The following CABLES1 variants were observed in gnomAD, a reference collection of about 807,000 sequenced individuals.
CABLES1 encodes the protein CDK5 and ABL1 enzyme substrate 1.
In CABLES1, 36 loss-of-function variants were observed where a neutral mutation model predicts 57.8. The observed-to-expected ratio is 0.62, with a 90% CI of 0.48 to 0.82. The LOEUF (loss-of-function observed/expected upper bound fraction) is 0.82. CABLES1 is among the 40% of genes least tolerant of loss of function. The pLI is 0.00. For synonymous variants in CABLES1, 374 were observed against 363.0 expected (o/e 1.03, Z -0.35); for missense variants, 767 against 836.6 (o/e 0.92, Z 1.03).
intron 3 of CABLES1, among the ~76,000 whole-genome samples, chr18:23,213,656 G>C (rs1290658176): frequency 6.6e-6 from 1 of 152,202 alleles, no homozygotes; most frequent in Admixed American, 6.5e-5. Flanking sequence ...TGGCCACCCT[G>C]GACTCAGATC....
At chr18:23,256,814 A>C (rs935630147) in intron 9 of CABLES1, among the ~76,000 whole-genome samples, 14 of 152,186 alleles carry the variant, frequency 9.2e-5, no homozygotes, top group African/African-American at 3.4e-4. Context: ...TTAAACCTGA[A>C]TCACTTAGTT....
chr18:23,230,860 C>A (rs2047562501), intron 4 of CABLES1, among the ~76,000 whole-genome samples: 1 of 152,178 alleles, frequency 6.6e-6, no homozygotes, highest in Non-Finnish European at 1.5e-5. Context: ...CCTTTGGTTG[C>A]CCTAGCACTG....
intron 1 of CABLES1, among the ~76,000 whole-genome samples, chr18:23,182,049 G>A (rs2047171035): frequency 6.6e-6 from 1 of 152,170 alleles, no homozygotes; most frequent in African/African-American, 2.4e-5. Flanking sequence ...ACACCCATGG[G>A]GAACACTAGA....
rs111360159 is a variant in CABLES1 at position 23,154,727 on chromosome 18, A to G, written c.845+18120A>G. 2.0e-3 allele frequency among the ~76,000 whole-genome samples: 312 copies of G among 152,310 alleles called. 4 individuals carry two copies. The highest frequency in any genetic ancestry group is 7.2e-3 in the African/African-American group (299 of 41,566). ...GTTTTCTCACCAAGTCATGTAGAGC[A>G]GGGATCCCTTCTAACGGAAGCCCAT... On this transcript the variant is annotated intron_variant, in intron 1 of 9. Coordinates refer to ENST00000256925, the MANE Select transcript of CABLES1 (RefSeq NM_001100619.3).
chr18:23,173,473 T>A (rs1804330660), intron 1 of CABLES1, among the ~76,000 whole-genome samples: 1 of 152,242 alleles, frequency 6.6e-6, no homozygotes, highest in Non-Finnish European at 1.5e-5. Context: ...TTGTATTATC[T>A]GGAGCTCTAA....
chr18:23,170,717 A>C (rs2144989334), intron 1 of CABLES1, among the ~76,000 whole-genome samples: 1 of 152,320 alleles, frequency 6.6e-6, no homozygotes, highest in East Asian at 1.9e-4. Context: ...GCGTTGTGAA[A>C]GTCTGCTTTG....
Position 23,235,888 on chromosome 18 carries a change from C to A in CABLES1, c.1186-7C>A. On this transcript the variant is annotated splice_polypyrimidine_tract_variant and splice_region_variant and intron_variant, in intron 5 of 9. Transcript: ENST00000256925. ...ATCACTGGCCTGTTTTTGTCTTCAC[C>A]TTTTAGACTGTTTCCTATACCCAAT... 13 of 1,613,954 alleles carry A rather than the reference C, an allele frequency of 8.1e-6. No individual in the cohort carries two copies. The highest frequency in any genetic ancestry group is 1.1e-5 in the Non-Finnish European group (13 of 1,179,882).
intron 3 of CABLES1, among the ~76,000 whole-genome samples, chr18:23,213,643 C>T (rs2047420554): frequency 6.6e-6 from 1 of 152,212 alleles, no homozygotes; most frequent in African/African-American, 2.4e-5. Context: ...GCTCACCCAG[C>T]CCTGGCCACC....
intron 3 of CABLES1, among the ~76,000 whole-genome samples, chr18:23,212,656 T>C (rs1261533469): frequency 6.6e-6 from 1 of 152,152 alleles, no homozygotes; most frequent in Admixed American, 6.5e-5. Flanking sequence ...CACCACGCAC[T>C]AAACCCCTGC....
intron 9 of CABLES1, among the ~76,000 whole-genome samples, chr18:23,255,680 C>T (rs1306412742): frequency 6.6e-6 from 1 of 151,906 alleles, no homozygotes; most frequent in Non-Finnish European, 1.5e-5. Flanking sequence ...CCATCTCCGC[C>T]TCCCAAGTAG....
intron 4 of CABLES1, among the ~76,000 whole-genome samples, chr18:23,232,777 A>T (rs1306992404): frequency 3.9e-5 from 6 of 152,154 alleles, no homozygotes; most frequent in Admixed American, 3.9e-4. Context: ...CATTTCTGTT[A>T]ATTAGACTCC....
intron 2 of CABLES1, among the ~76,000 whole-genome samples, chr18:23,192,049 G>T (rs950675250): frequency 6.6e-6 from 1 of 151,606 alleles, no homozygotes. Flanking sequence ...AAGTTACCCT[G>T]TTAAAAGTCC....
At chr18:23,143,098 C>G (rs2046867652) in intron 1 of CABLES1, among the ~76,000 whole-genome samples, 1 of 152,148 alleles carries the variant, frequency 6.6e-6, no homozygotes. Context: ...TTCAGCTGAA[C>G]TGAGCAGAAG....
At chr18:23,230,394 A>G (rs1017590822) in intron 4 of CABLES1, among the ~76,000 whole-genome samples, 2 of 152,198 alleles carry the variant, frequency 1.3e-5, no homozygotes, top group Non-Finnish European at 2.9e-5. Flanking sequence ...AAAAAAACCT[A>G]TAAGAAACTG....
At chr18:23,221,413 C>T (rs145831820) in intron 4 of CABLES1, among the ~76,000 whole-genome samples, 4 of 152,334 alleles carry the variant, frequency 2.6e-5, no homozygotes, top group East Asian at 1.9e-4. Context: ...GACACAGAGG[C>T]GTGGAATAGA....
intron 7 of CABLES1, among the ~76,000 whole-genome samples, chr18:23,245,617 A>T (rs2145110231): frequency 6.6e-6 from 1 of 152,212 alleles, no homozygotes; most frequent in African/African-American, 2.4e-5. Context: ...CTCAGAAGGA[A>T]TTTGTCTACT....
In CABLES1 at chr18:23,236,992, T is replaced by C. The variant is rs1278126383; in HGVS notation, c.1343-150T>C. ...TTCACTGGCACACGGAGATGTCTAATAAAAGTCAGTGAGTGCCGTGACGTT... is the reference window on the plus strand; with the variant it reads ...TTCACTGGCACACGGAGATGTCTAACAAAAGTCAGTGAGTGCCGTGACGTT... On this transcript the variant is annotated intron_variant, in intron 6 of 9. Transcript: ENST00000256925. 4 of 630,394 alleles carry C rather than the reference T, an allele frequency of 6.3e-6. No individual in the cohort carries two copies. The African/African-American group carries it at 7.3e-5, about 12-fold the overall frequency. 39.1% of individuals were successfully genotyped at this position (630,394 alleles called of 1,614,324 possible). A position where few individuals can be genotyped will look rare whatever the true frequency, so the allele number is the denominator to read the frequency against.
chr18:23,250,869 G>A (rs1371923639), intron 7 of CABLES1, among the ~76,000 whole-genome samples: 1 of 152,208 alleles, frequency 6.6e-6, no homozygotes, highest in Non-Finnish European at 1.5e-5. Context: ...ATATTGCTGT[G>A]CTTTGCCTTT....
rs772708459 is a variant in CABLES1 at position 23,188,824 on chromosome 18, C to T, written c.846-14C>T. 26 of 1,609,444 alleles carry T rather than the reference C, an allele frequency of 1.6e-5. No homozygotes were observed. The highest frequency in any genetic ancestry group is 2.1e-5 in the Non-Finnish European group (25 of 1,175,940). On this transcript the variant is annotated splice_polypyrimidine_tract_variant and intron_variant, in intron 1 of 9. Transcript: ENST00000256925. Reference sequence around the variant, plus strand: ...TGCAGTTTTAACTCCCAGATTTTTTCCTTCTTTCTGCAGACGGCGCCTCAT... The same window carrying T: ...TGCAGTTTTAACTCCCAGATTTTTTTCTTCTTTCTGCAGACGGCGCCTCAT...
Sources: allele counts gnomAD v4.1 joint callset (sites outside exome capture counted in the v4.1 genomes callset), GRCh38; gene constraint gnomAD v4.1.1; transcripts MANE v1.5; gene names NCBI Gene and HGNC (gene_info 2026-07-23, HGNC 2026-07-21).